Variants in IL22RA1 observed in about 807,000 individuals in gnomAD.
IL22RA1 encodes interleukin 22 receptor subunit alpha 1, also known as interleukin-22 receptor subunit alpha-1.
IL22RA1 carries 25 observed loss-of-function variants against 32.8 expected under a neutral mutation model. That is an observed-to-expected ratio of 0.76 (90% CI 0.55 to 1.06). The LOEUF (loss-of-function observed/expected upper bound fraction) is 1.06. Ranked by LOEUF, IL22RA1 falls within the 50% of genes least tolerant of loss-of-function variation. The pLI, the probability that IL22RA1 is intolerant of heterozygous loss-of-function variation, is 0.00. For missense variants in IL22RA1, 709 were observed against 727.4 expected (o/e 0.97, Z 0.29); for synonymous variants, 305 against 305.0 (o/e 1.00, Z 0.00).
Position 24,121,057 on chromosome 1 carries a change from G to A in IL22RA1, c.1473C>T (p.Tyr491=), listed in dbSNP as rs755538735. The change falls in exon 7 of 7, where the codon TAC becomes TAT. Residue 491 remains tyrosine (Y), a synonymous_variant. Transcript: ENST00000270800. ...LHSGEEGTPQ[Y]LKGQLPLLSS... ...AGAGGAGGGGGAGCTGGCCCTTTAGGTACTGTGGTGTCCCTTCCTCCCCAC... is the reference window on the plus strand; with the variant it reads ...AGAGGAGGGGGAGCTGGCCCTTTAGATACTGTGGTGTCCCTTCCTCCCCAC... 2 of 1,614,154 alleles carry A rather than the reference G, an allele frequency of 1.2e-6. No homozygotes were observed. The highest frequency in any genetic ancestry group is 8.5e-7 in the Non-Finnish European group (1 of 1,180,006).
intron 1 of IL22RA1, 99 bp from the exon 2 acceptor site, chr1:24,138,813 A>G (rs1644261064): frequency 2.8e-6 from 4 of 1,444,506 alleles, no homozygotes; most frequent in African/African-American, 2.8e-5. Context: ...AATTTCATGC[A>G]AAGTGCCTTT....
intron 3 of IL22RA1, among the ~76,000 whole-genome samples, chr1:24,136,597 G>A (rs1324484102): frequency 3.9e-5 from 6 of 152,176 alleles, no homozygotes; most frequent in Non-Finnish European, 5.9e-5. Context: ...GAGCAGCAAG[G>A]AACCCGAGGC....
Position 24,121,104 on chromosome 1 carries a change from A to G in IL22RA1, c.1426T>C (p.Ser476Pro). 2 of 1,614,104 alleles carry G rather than the reference A, an allele frequency of 1.2e-6. No homozygotes were observed. Among genetic ancestry groups the G allele is most frequent in the South Asian group, 1.1e-5 (1 of 91,082 alleles). Residue 476 changes from serine to proline, a missense_variant, in exon 7 of 7, where the codon TCT becomes CCT. Coordinates refer to ENST00000270800, the MANE Select transcript of IL22RA1 (RefSeq NM_021258.4). ...QPLGICTDRT[S>P]DPNVLHSGEE... is the part of the protein sequence containing the mutation. ...CCACTGTGTAGCACATTTGGGTCAGATGTTCTGTCTGTGCAAATCCCCAGG... is the reference window on the plus strand; with the variant it reads ...CCACTGTGTAGCACATTTGGGTCAGGTGTTCTGTCTGTGCAAATCCCCAGG...
intron 3 of IL22RA1, 69 bp from the exon 4 acceptor site, chr1:24,134,455 T>G: frequency 8.4e-7 from 1 of 1,190,040 alleles, no homozygotes; most frequent in Non-Finnish European, 1.1e-6. Context: ...GAGGCAACCT[T>G]GGACAGTGGA....
At chr1:24,126,161 C>T (rs772496186) in intron 5 of IL22RA1, among the ~76,000 whole-genome samples, 25 of 152,186 alleles carry the variant, frequency 1.6e-4, no homozygotes, top group Non-Finnish European at 2.8e-4. Context: ...AGCCCCAGAA[C>T]GTCAGTTTCC....
chr1:24,136,800 C>A lies in IL22RA1; in HGVS notation c.355+331G>T, dbSNP rs943575337. ...TGTTGAGGAGATCTCTCTAAATGCT[C>A]TGTGGAGAATGGGCTGGAGGAGGTG... On this transcript the variant is annotated intron_variant, in intron 3 of 6. Coordinates refer to ENST00000270800, the MANE Select transcript of IL22RA1 (RefSeq NM_021258.4). 2.0e-5 allele frequency among the ~76,000 whole-genome samples: 3 copies of A among 152,078 alleles called. 1 individual carries two copies. Among genetic ancestry groups the A allele is most frequent in the African/African-American group, 7.2e-5 (3 of 41,400 alleles).
intron 5 of IL22RA1, among the ~76,000 whole-genome samples, chr1:24,123,969 C>T (rs1283407147): frequency 6.6e-6 from 1 of 152,070 alleles, no homozygotes; most frequent in East Asian, 1.9e-4. Context: ...TGAGGAAGTA[C>T]CCCCAAAAGA....
chr1:24,136,453 T>C (rs1644242961), intron 3 of IL22RA1, among the ~76,000 whole-genome samples: 1 of 152,148 alleles, frequency 6.6e-6, no homozygotes, highest in Non-Finnish European at 1.5e-5. Flanking sequence ...GAATCACAGA[T>C]GGTGGCCTAC....
At chr1:24,122,136 A>G (rs1644128779) in intron 6 of IL22RA1, among the ~76,000 whole-genome samples, 1 of 152,176 alleles carries the variant, frequency 6.6e-6, no homozygotes, top group Admixed American at 6.5e-5. Context: ...AGAAGGAGCC[A>G]GGAGAGACCG....
intron 2 of IL22RA1, among the ~76,000 whole-genome samples, chr1:24,137,964 TG>T (rs1446256839): frequency 3.3e-5 from 5 of 152,130 alleles, no homozygotes; most frequent in African/African-American, 9.7e-5. Context: ...TCCTTTGATG[TG>T]GGCCCTGTTA....
chr1:24,120,312 T>A lies in IL22RA1; in HGVS notation c.*493A>T, dbSNP rs1644110740. ...CAGGTTGTTCTGGTTCTGCCCAGCC[T>A]CCTTCTGGTTCTTTTCCAGGCCTGG... On this transcript the variant is annotated 3_prime_UTR_variant, in exon 7 of 7. Transcript: ENST00000270800. 1 of 153,114 alleles carries A rather than the reference T, an allele frequency of 6.5e-6. No homozygotes were observed. Among genetic ancestry groups the A allele is most frequent in the Admixed American group, 6.5e-5 (1 of 15,334 alleles). 9.5% of individuals were successfully genotyped at this position (153,114 alleles called of 1,614,324 possible).
At chr1:24,130,512 T>C (rs1644197029) in intron 4 of IL22RA1, among the ~76,000 whole-genome samples, 1 of 152,138 alleles carries the variant, frequency 6.6e-6, no homozygotes, top group African/African-American at 2.4e-5. Context: ...GCCAAATTAA[T>C]TGCCTACCAA....
chr1:24,138,405 C>T (rs556233715), intron 2 of IL22RA1, among the ~76,000 whole-genome samples, 177 bp downstream of exon 2: 27 of 152,250 alleles, frequency 1.8e-4, no homozygotes, highest in Middle Eastern at 3.4e-3. Flanking sequence ...GTACTTTTTA[C>T]CCTTATATTA....
intron 5 of IL22RA1, among the ~76,000 whole-genome samples, chr1:24,123,854 C>T (rs1644143781): frequency 6.6e-6 from 1 of 152,160 alleles, no homozygotes; most frequent in Non-Finnish European, 1.5e-5. Context: ...GTATAGATGC[C>T]CCAGCCCTCA....
intron 5 of IL22RA1, chr1:24,123,683 C>T (rs1400646000): frequency 1.5e-6 from 1 of 672,982 alleles, no homozygotes; most frequent in African/African-American, 1.8e-5. Flanking sequence ...TTTTTTACAA[C>T]CACCTGGGAT....
At chr1:24,122,211 T>G (rs1397179740) in intron 6 of IL22RA1, among the ~76,000 whole-genome samples, 2 of 152,152 alleles carry the variant, frequency 1.3e-5, no homozygotes, top group African/African-American at 4.8e-5. Flanking sequence ...TCAGAGCTCC[T>G]CTGTCCCTCC....
chr1:24,129,048 C>T (rs1337163975), intron 4 of IL22RA1, among the ~76,000 whole-genome samples: 1 of 152,170 alleles, frequency 6.6e-6, no homozygotes, highest in Non-Finnish European at 1.5e-5. Flanking sequence ...TTCTTTGCAT[C>T]TGCCAATCCT....
Position 24,121,762 on chromosome 1 carries a change from C to A in IL22RA1, c.793-25G>T, listed in dbSNP as rs568446714. ...TCTGTGCAGGGACGACAACAGTCACCCCCCTGTGGTTAGGGTAAGTCCCAA... is the reference window on the plus strand; with the variant it reads ...TCTGTGCAGGGACGACAACAGTCACACCCCTGTGGTTAGGGTAAGTCCCAA... On this transcript the variant is annotated intron_variant, in intron 6 of 6. Coordinates refer to ENST00000270800, the MANE Select transcript of IL22RA1 (RefSeq NM_021258.4). 6 of 1,452,232 alleles carry A rather than the reference C, an allele frequency of 4.1e-6. No homozygotes were observed. The South Asian group carries it at 9.2e-5, about 22-fold the overall frequency. The allele number at this position is 1,452,232 out of a possible 1,614,324, so 90.0% of individuals were successfully genotyped here.
intron 5 of IL22RA1, among the ~76,000 whole-genome samples, chr1:24,127,078 G>C (rs1644166496): frequency 6.6e-6 from 1 of 151,908 alleles, no homozygotes; most frequent in South Asian, 2.1e-4. Flanking sequence ...CCAGCTACTT[G>C]GGAGGCTGAG....
Sources: allele counts gnomAD v4.1 joint callset (sites outside exome capture counted in the v4.1 genomes callset), GRCh38; gene constraint gnomAD v4.1.1; transcripts MANE v1.5; gene names NCBI Gene and HGNC (gene_info 2026-07-23, HGNC 2026-07-21).